Variants in ATP5F1B observed in about 807,000 individuals in gnomAD.
ATP5F1B encodes the protein ATP synthase F(1) complex subunit beta, mitochondrial.
ATP5F1B carries 17 observed loss-of-function variants against 45.9 expected under a neutral mutation model. The observed-to-expected ratio is 0.37, with a 90% CI of 0.25 to 0.56. ATP5F1B has a LOEUF of 0.56. ATP5F1B is among the 20% of genes least tolerant of loss of function. ATP5F1B has a pLI of 0.80. For missense variants in ATP5F1B, 387 were observed against 673.2 expected (o/e 0.57, Z 4.70); for synonymous variants, 218 against 256.5 (o/e 0.85, Z 1.43).
intron 7 of ATP5F1B, among the ~76,000 whole-genome samples, chr12:56,641,938 CT>C (rs1043140925): frequency 6.6e-6 from 1 of 152,112 alleles, no homozygotes; most frequent in Non-Finnish European, 1.5e-5. Flanking sequence ...TAGCGCCGGA[CT>C]CCCCTCAGAC....
chr12:56,644,703 G>A, intron 3 of ATP5F1B, 78 bp downstream of exon 3: 1 of 1,464,198 alleles, frequency 6.8e-7, no homozygotes, highest in Non-Finnish European at 9.2e-7. Flanking sequence ...TCTGCTTTAG[G>A]AGAACATGTC....
At chr12:56,642,968 C>T (rs745687845) in intron 5 of ATP5F1B, 137 bp from the exon 6 acceptor site, 120 of 929,118 alleles carry the variant, frequency 1.3e-4, no homozygotes, top group Non-Finnish European at 1.8e-4. Flanking sequence ...TTTCTTTTCC[C>T]TATTAGAGAT....
At chr12:56,640,679 A>G (rs1249031994) in intron 7 of ATP5F1B, among the ~76,000 whole-genome samples, 1 of 152,306 alleles carries the variant, frequency 6.6e-6, no homozygotes, top group East Asian at 1.9e-4. Context: ...ATGATGGAAG[A>G]ATTTTTAGTA....
chr12:56,642,700 G>A lies in ATP5F1B; in HGVS notation c.924C>T (p.Ile308=), dbSNP rs764789281. 5 of 1,614,200 alleles carry A rather than the reference G, an allele frequency of 3.1e-6. No individual in the cohort carries two copies. In the South Asian group the frequency reaches 5.5e-5, roughly 18 times the overall value. ...GQDVLLFIDN[I]FRFTQAGSEV... ...CTGAACCAGCCTGGGTGAAGCGAAA[G>A]ATGTTATCAATAAATAGCAGTACAT... is the stretch of plus-strand genomic sequence containing the variant. The change falls in exon 6 of 10, where the codon ATC becomes ATT. Residue 308 remains isoleucine (I), a synonymous_variant. Transcript: ENST00000262030.
chr12:56,645,973 C>T lies in ATP5F1B; in HGVS notation c.-10G>A, dbSNP rs745591336. The T allele has an allele frequency of 5.0e-6, 8 of 1,593,204 alleles. No individual in the cohort carries two copies. Among genetic ancestry groups the T allele is most frequent in the Non-Finnish European group, 6.0e-6 (7 of 1,170,728 alleles). On this transcript the variant is annotated 5_prime_UTR_variant, in exon 1 of 10. Transcript: ENST00000262030. ...CCACAAACCCCAACATGGCGTAGTC[C>T]GGGTGGAGACTGAAGGCTGCAGCAA...
chr12:56,645,738 T>A, intron 1 of ATP5F1B, 99 bp downstream of exon 1: 26 of 1,546,092 alleles, frequency 1.7e-5, no homozygotes, highest in Non-Finnish European at 1.9e-5. Flanking sequence ...GGCATCCTTT[T>A]AACACCACGG....
At chr12:56,645,494 G>T (rs76715516) in intron 1 of ATP5F1B, 141 bp from the exon 2 acceptor site, 12 of 1,043,838 alleles carry the variant, frequency 1.1e-5, no homozygotes, top group Non-Finnish European at 1.6e-5. Flanking sequence ...GTCCAAGAGG[G>T]AAGGCCGCGC....
chr12:56,641,363 CAAAAAA>C (rs35984942), intron 7 of ATP5F1B, among the ~76,000 whole-genome samples: 1 of 61,688 alleles, frequency 1.6e-5, no homozygotes. Flanking sequence ...AACTCCGTCT[CAAAAAA>C]AAAAAAAAAA....
Position 56,645,943 on chromosome 12 carries a change from C to T in ATP5F1B, c.21G>A (p.Arg7=), listed in dbSNP as rs1409398401. 5.0e-6 allele frequency: 8 copies of T among 1,605,072 alleles called. No individual in the cohort carries two copies. The highest frequency in any genetic ancestry group is 6.8e-6 in the Non-Finnish European group (8 of 1,176,640). Residue 7 remains arginine, a synonymous_variant, in exon 1 of 10, where the codon CGG becomes CGA. Transcript: ENST00000262030. Reference sequence around the variant, plus strand: ...CCCCGGAGGCCGGAGCAGCGGCCACCCGACCCACAAACCCCAACATGGCGT... The same window carrying T: ...CCCCGGAGGCCGGAGCAGCGGCCACTCGACCCACAAACCCCAACATGGCGT... MLGFVG[R]VAAAPASGAL... is the part of the protein sequence containing the mutation.
At chr12:56,645,778 C>G in intron 1 of ATP5F1B, 59 bp downstream of exon 1, 2 of 1,584,014 alleles carry the variant, frequency 1.3e-6, no homozygotes, top group South Asian at 2.3e-5. Context: ...CCATCGTTCC[C>G]CGGCTCAAGG....
chr12:56,638,319 C>T lies in ATP5F1B; in HGVS notation c.*4G>A, dbSNP rs773895450. 2 of 1,612,406 alleles carry T rather than the reference C, an allele frequency of 1.2e-6. No individual in the cohort carries two copies. ...AGAGAGACAGTACAGAGGACAAAGA[C>T]CCCTCACGATGAATGCTCTTCAGCC... is the stretch of plus-strand genomic sequence containing the variant. On this transcript the variant is annotated 3_prime_UTR_variant, in exon 10 of 10. Transcript: ENST00000262030.
intron 8 of ATP5F1B, among the ~76,000 whole-genome samples, 200 bp downstream of exon 8, chr12:56,639,780 A>G (rs2137542963): frequency 6.6e-6 from 1 of 152,086 alleles, no homozygotes; most frequent in African/African-American, 2.4e-5. Flanking sequence ...AAAAAAAAAA[A>G]AAAAGAAAGA....
intron 7 of ATP5F1B, among the ~76,000 whole-genome samples, chr12:56,640,870 T>TAAAAA (rs59336396): frequency 2.0e-5 from 2 of 99,528 alleles, no homozygotes; most frequent in African/African-American, 7.5e-5. Flanking sequence ...GGGTCTCTAC[T>TAAAAA]AAAAAAAAAA....
chr12:56,644,986 A>G (rs1241320213), intron 2 of ATP5F1B, 31 bp from the exon 3 acceptor site: 7 of 1,614,194 alleles, frequency 4.3e-6, no homozygotes, highest in South Asian at 2.2e-5. Flanking sequence ...AGGGTTATAC[A>G]TAAGGATAAA....
chr12:56,645,467 G>T, intron 1 of ATP5F1B, 114 bp from the exon 2 acceptor site: 2 of 1,227,718 alleles, frequency 1.6e-6, no homozygotes, highest in Admixed American at 2.7e-5. Context: ...GCCTCTTTCC[G>T]CTTGTACGGA....
intron 8 of ATP5F1B, among the ~76,000 whole-genome samples, chr12:56,639,607 C>T (rs1355125584): frequency 6.6e-6 from 1 of 151,820 alleles, no homozygotes; most frequent in Non-Finnish European, 1.5e-5. Flanking sequence ...CTGGTCTCTA[C>T]TAAAAATACA....
rs1565848098 is a variant in ATP5F1B, at chr12:56,642,534, G to T, written c.998C>A (p.Pro333His). Residue 333 changes from proline to histidine, a missense_variant, in exon 7 of 10, where the codon CCT (proline) becomes CAT (histidine). Transcript: ENST00000262030. Reference protein sequence around the residue: ...GRIPSAVGYQPTLATDMGTMQ... With the variant: ...GRIPSAVGYQHTLATDMGTMQ... Reference sequence around the variant, plus strand: ...AGTACCCATGTCAGTGGCCAGGGTAGGCTGATAGCCCACAGCAGAAGGGAT... The same window carrying T: ...AGTACCCATGTCAGTGGCCAGGGTATGCTGATAGCCCACAGCAGAAGGGAT... 6.2e-7 allele frequency: 1 copy of T among 1,614,094 alleles called. No individual in the cohort carries two copies. Among genetic ancestry groups the T allele is most frequent in the Non-Finnish European group, 8.5e-7 (1 of 1,180,032 alleles).
Position 56,644,788 on chromosome 12 carries a change from T to C in ATP5F1B, c.478A>G (p.Thr160Ala). Residue 160 changes from threonine to alanine, a missense_variant, in exon 3 of 10, where the codon ACC (threonine) becomes GCC (alanine). By Grantham distance (58) the Thr-to-Ala change is moderately conservative. This residue lies in a region of ATP5F1B where 113 missense variants were observed against 168.0 expected (regional missense o/e 0.67). Transcript: ENST00000262030. ...GCAATAAGAGCAACTTACTGTTTGGTTTTGATGGGACCTCTTTCATCAATA... is the reference window on the plus strand; with the variant it reads ...GCAATAAGAGCAACTTACTGTTTGGCTTTGATGGGACCTCTTTCATCAATA... The part of the protein sequence containing the change: ...EPIDERGPIK[T>A]KQFAPIHAEA... 6.2e-7 allele frequency: 1 copy of C among 1,612,536 alleles called. No homozygotes were observed. Among genetic ancestry groups the C allele is most frequent in the Non-Finnish European group, 8.5e-7 (1 of 1,178,864 alleles).
Position 56,642,663 on chromosome 12 carries a change from T to TCC in ATP5F1B, c.951+8_951+9dup, listed in dbSNP as rs760801755. On this transcript the variant is annotated intron_variant, in intron 6 of 9. Transcript: ENST00000262030. Reference sequence around the variant, plus strand: ...AGATGAACCAGGTCCTCTCAAGCCTTCCCTCTTACCTCTGAACCAGCCTGG... The same window carrying TCC: ...AGATGAACCAGGTCCTCTCAAGCCTTCCCCCTCTTACCTCTGAACCAGCCTGG... The TCC allele has an allele frequency of 6.2e-7, 1 of 1,614,104 alleles. No individual in the cohort carries two copies. The highest frequency in any genetic ancestry group is 1.7e-5 in the Admixed American group (1 of 59,996).
Sources: gnomAD v4.1 joint callset for allele counts (sites outside exome capture counted in the v4.1 genomes callset) on GRCh38, gnomAD v4.1.1 for gene constraint, gnomAD v4.1.1 regional missense constraint, MANE v1.5 for transcripts, NCBI Gene and HGNC (gene_info 2026-07-23, HGNC 2026-07-21) for gene names.